UBE2E3: variants seen among roughly 807,000 people sequenced by gnomAD.
UBE2E3 encodes the protein ubiquitin-conjugating enzyme E2 E3.
A neutral mutation model predicts 23.6 loss-of-function variants in UBE2E3; 5 were observed. The ratio of observed to expected loss-of-function variants is 0.21; its 90% CI spans 0.11 to 0.44. UBE2E3 has a LOEUF of 0.44. Ranked by LOEUF, UBE2E3 falls within the 20% of genes least tolerant of loss-of-function variation. The probability of loss-of-function intolerance (pLI) is 0.99; values close to 1 mark genes in which losing one functional copy is unlikely to be tolerated. For missense variants in UBE2E3, 81 were observed against 249.8 expected, an observed-to-expected ratio of 0.32 and a Z score of 4.55; for synonymous variants, 78 against 87.5, an observed-to-expected ratio of 0.89 and a Z score of 0.60.
intron 3 of UBE2E3, among the ~76,000 whole-genome samples, chr2:180,996,694 G>T (rs1351090098): frequency 6.6e-6 from 1 of 152,064 alleles, no homozygotes; most frequent in Admixed American, 6.6e-5. Flanking sequence ...CAAATTACTG[G>T]CCTAGATTCC....
At chr2:181,004,057 T>G (rs1685066694) in intron 3 of UBE2E3, among the ~76,000 whole-genome samples, 1 of 152,170 alleles carries the variant, frequency 6.6e-6, no homozygotes. Context: ...AATGTGTGTG[T>G]GGGAAGGTCT....
At chr2:180,986,552 T>C (rs534978950) in intron 3 of UBE2E3, among the ~76,000 whole-genome samples, 1 of 152,232 alleles carries the variant, frequency 6.6e-6, no homozygotes, top group East Asian at 1.9e-4. Flanking sequence ...AGTGCGTAAA[T>C]GAGAATTTTA....
At chr2:181,027,130 T>A (rs1226071593) in intron 3 of UBE2E3, among the ~76,000 whole-genome samples, 1 of 151,964 alleles carries the variant, frequency 6.6e-6, no homozygotes, top group Non-Finnish European at 1.5e-5. Context: ...TGTCTGTACC[T>A]GTGTTAAAAT....
At chr2:181,039,415 G>A (rs1686406953) in intron 3 of UBE2E3, among the ~76,000 whole-genome samples, 1 of 152,036 alleles carries the variant, frequency 6.6e-6, no homozygotes, top group Admixed American at 6.6e-5. Context: ...CTGGCTCCTG[G>A]AGCGGCTGGG....
intron 3 of UBE2E3, among the ~76,000 whole-genome samples, chr2:181,046,275 G>A (rs1444632493): frequency 6.6e-6 from 1 of 152,162 alleles, no homozygotes; most frequent in Admixed American, 6.6e-5. Context: ...GCAGGTCAGG[G>A]ATTCCGTGTA....
intron 5 of UBE2E3, 101 bp downstream of exon 5, chr2:181,060,913 A>G (rs1473491406): frequency 9.1e-7 from 1 of 1,097,316 alleles, no homozygotes; most frequent in Non-Finnish European, 1.2e-6. Flanking sequence ...GTAGATTGAG[A>G]GGTAAATGTT....
chr2:181,032,884 C>A (rs1559128762), intron 3 of UBE2E3, among the ~76,000 whole-genome samples: 1 of 152,058 alleles, frequency 6.6e-6, no homozygotes, highest in Non-Finnish European at 1.5e-5. Flanking sequence ...TCTTAAACAC[C>A]AATAACAGAC....
At chr2:181,015,569 G>A (rs1197069231) in intron 3 of UBE2E3, among the ~76,000 whole-genome samples, 2 of 152,068 alleles carry the variant, frequency 1.3e-5, no homozygotes, top group African/African-American at 2.4e-5. Flanking sequence ...AGAATTCTTG[G>A]AAAAATGAAC....
At chr2:180,998,763 C>T (rs1684905695) in intron 3 of UBE2E3, among the ~76,000 whole-genome samples, 1 of 152,032 alleles carries the variant, frequency 6.6e-6, no homozygotes. Flanking sequence ...TAATAAGATG[C>T]AACTTTGGAG....
At chr2:181,021,138 T>C (rs1336341277) in intron 3 of UBE2E3, among the ~76,000 whole-genome samples, 1 of 152,210 alleles carries the variant, frequency 6.6e-6, no homozygotes, top group Non-Finnish European at 1.5e-5. Flanking sequence ...CCAGTCTTCG[T>C]GGGCTTTCAC....
At chr2:181,018,320 T>C (rs10180373) in intron 3 of UBE2E3, among the ~76,000 whole-genome samples, 6,288 of 152,246 alleles carry the variant, frequency 0.041, 191 homozygotes, top group African/African-American at 0.076. Context: ...TCCACACATA[T>C]AAGCACCTGT....
chr2:181,005,450 T>C (rs1394169901), intron 3 of UBE2E3, among the ~76,000 whole-genome samples: 1 of 152,200 alleles, frequency 6.6e-6, no homozygotes, highest in African/African-American at 2.4e-5. Flanking sequence ...ATTGGAAGCA[T>C]GTAGACTGTG....
intron 4 of UBE2E3, among the ~76,000 whole-genome samples, chr2:181,060,013 A>C (rs1687097837): frequency 1.3e-5 from 2 of 151,552 alleles, no homozygotes. Context: ...CTTTTCTCAC[A>C]CATTTCAGGG....
At chr2:181,019,247 G>A (rs961789411) in intron 3 of UBE2E3, among the ~76,000 whole-genome samples, 1 of 152,128 alleles carries the variant, frequency 6.6e-6, no homozygotes, top group Non-Finnish European at 1.5e-5. Flanking sequence ...GGTGTGAACC[G>A]CCGCACCCGG....
chr2:181,028,784 C>CAT (rs1685979317), intron 3 of UBE2E3, among the ~76,000 whole-genome samples: 3 of 151,880 alleles, frequency 2.0e-5, no homozygotes, highest in Admixed American at 6.6e-5. Context: ...GCCTTTTGTA[C>CAT]ATATATGTTG....
intron 3 of UBE2E3, among the ~76,000 whole-genome samples, chr2:181,012,290 T>C (rs1685352793): frequency 6.6e-6 from 1 of 152,206 alleles, no homozygotes; most frequent in African/African-American, 2.4e-5. Flanking sequence ...CAAATATAAC[T>C]GAAGCAAATA....
At chr2:181,054,804 A>C (rs1237857469) in intron 3 of UBE2E3, among the ~76,000 whole-genome samples, 3 of 151,766 alleles carry the variant, frequency 2.0e-5, no homozygotes, top group Admixed American at 1.3e-4. Context: ...CCAAAACAGT[A>C]TATGTAGGTA....
At chr2:181,031,275 T>C (rs1308680227) in intron 3 of UBE2E3, among the ~76,000 whole-genome samples, 2 of 152,182 alleles carry the variant, frequency 1.3e-5, no homozygotes, top group Non-Finnish European at 2.9e-5. Context: ...GTTCATTTAT[T>C]ATGTGGTTCA....
intron 3 of UBE2E3, among the ~76,000 whole-genome samples, chr2:181,054,400 T>C (rs1032069057): frequency 6.6e-6 from 1 of 150,996 alleles, no homozygotes; most frequent in African/African-American, 2.4e-5. Flanking sequence ...TCTTCAGCAT[T>C]TGTTGTTGGT....
Sources: allele counts gnomAD v4.1 joint callset (sites outside exome capture counted in the v4.1 genomes callset), GRCh38; gene constraint gnomAD v4.1.1; transcripts MANE v1.5; gene names NCBI Gene and HGNC (gene_info 2026-07-23, HGNC 2026-07-21).